PCDHGA2: variants seen among roughly 807,000 people sequenced by gnomAD.
The protein encoded by PCDHGA2 is protocadherin gamma-A2.
A neutral mutation model predicts 59.2 loss-of-function variants in PCDHGA2; 40 were observed. The observed-to-expected ratio is 0.68, with a 90% CI of 0.52 to 0.88. The LOEUF is 0.88. Among genes scored for constraint, PCDHGA2 ranks in the 40% least tolerant of loss-of-function variants. The pLI, the probability that PCDHGA2 is intolerant of heterozygous loss-of-function variation, is 0.00. For synonymous variants in PCDHGA2, 560 were observed against 526.0 expected (o/e 1.06, Z -0.89); for missense variants, 1,226 against 1,204.0 (o/e 1.02, Z -0.27).
At chr5:141,341,603 G>C (rs996112382) in intron 1 of PCDHGA2, 148 of 1,003,402 alleles carry the variant, frequency 1.5e-4, no homozygotes, top group Admixed American at 6.4e-4. Flanking sequence ...TGCAATGAAT[G>C]TAAACCAGGA....
chr5:141,498,306 A>C (rs2099783027), intron 2 of PCDHGA2, among the ~76,000 whole-genome samples: 1 of 151,810 alleles, frequency 6.6e-6, no homozygotes, highest in African/African-American at 2.4e-5. Flanking sequence ...TCTGGGTCAC[A>C]CTGCCTACAC....
In PCDHGA2 at chr5:141,383,284, A is replaced by G. The variant is rs760384498; in HGVS notation, c.2424+41889A>G. ...CGTGGAAATAATAGATATTAATGAC[A>G]ACGTTCCAAGATTCTTGACGGAAGA... On this transcript the variant is annotated intron_variant, in intron 1 of 3. Transcript: ENST00000394576. 4 of 1,613,962 alleles carry G rather than the reference A, an allele frequency of 2.5e-6. No homozygotes were observed. In the East Asian group the frequency reaches 8.9e-5, roughly 36 times the overall value.
intron 1 of PCDHGA2, chr5:141,395,534 G>T: frequency 8.7e-6 from 3 of 344,098 alleles, no homozygotes; most frequent in East Asian, 5.8e-5. Context: ...TGGTAATTTT[G>T]CTATTGTTTG....
At chr5:141,360,817 A>C (rs772114545) in intron 1 of PCDHGA2, 1 of 1,614,006 alleles carries the variant, frequency 6.2e-7, no homozygotes, top group South Asian at 1.1e-5. Context: ...CACGACCCAA[A>C]TCCGAATCAA....
intron 1 of PCDHGA2, chr5:141,424,652 G>T (rs1392693867): frequency 6.6e-6 from 1 of 152,120 alleles, no homozygotes; most frequent in East Asian, 1.9e-4. Context: ...AAGGTATTTG[G>T]ACTTTAATTA....
At chr5:141,394,519 C>A (rs1462431722) in intron 1 of PCDHGA2, 1 of 1,614,240 alleles carries the variant, frequency 6.2e-7, no homozygotes, top group South Asian at 1.1e-5. Context: ...GCCCTCCCCA[C>A]AGACGGTTCC....
Position 141,477,286 on chromosome 5 carries a change from A to G in PCDHGA2, c.2425-17521A>G, listed in dbSNP as rs1367207950. 1.9e-6 allele frequency: 3 copies of G among 1,614,194 alleles called. No individual in the cohort carries two copies. Among genetic ancestry groups the G allele is most frequent in the Non-Finnish European group, 8.5e-7 (1 of 1,180,034 alleles). ...GCGAGAACGGGCTGGTGACCTGCGA[A>G]GTTCCACCGGGTCTCCCTTTCAGCC... On this transcript the variant is annotated intron_variant, in intron 1 of 3. Coordinates refer to ENST00000394576, the MANE Select transcript of PCDHGA2 (RefSeq NM_018915.4). The surrounding 1 kb of genome is among the most constrained non-coding windows in gnomAD (Gnocchi z 4.9).
In PCDHGA2 at chr5:141,489,071, CA is replaced by C; in HGVS notation, c.2425-5735del. 3.1e-6 allele frequency: 1 copy of C among 326,700 alleles called. No homozygotes were observed. Among genetic ancestry groups the C allele is most frequent in the East Asian group, 5.9e-5 (1 of 17,012 alleles). 20.2% of individuals were successfully genotyped at this position (326,700 alleles called of 1,614,324 possible). A position where few individuals can be genotyped will look rare whatever the true frequency, so the allele number is the denominator to read the frequency against. On this transcript the variant is annotated intron_variant, in intron 1 of 3. Transcript: ENST00000394576. This position sits in a 1 kb window ranked among gnomAD's most constrained non-coding sequence, Gnocchi z 4.5. Reference sequence around the variant, plus strand: ...AAATTCAGCTCCCCTCCCCCCTGCCCACCCCCGCCACTCGGTGACTAAGAAC... The same window carrying C: ...AAATTCAGCTCCCCTCCCCCCTGCCCCCCCCGCCACTCGGTGACTAAGAAC...
chr5:141,430,885 C>G, intron 1 of PCDHGA2: 1 of 1,605,218 alleles, frequency 6.2e-7, no homozygotes, highest in Non-Finnish European at 8.5e-7. Context: ...TGGAGAAAGG[C>G]TCTAGGGTGG....
chr5:141,371,347 G>A (rs755497433), intron 1 of PCDHGA2: 1 of 1,613,960 alleles, frequency 6.2e-7, no homozygotes, highest in Non-Finnish European at 8.5e-7. Flanking sequence ...TACACAATTG[G>A]GGTGGAAGCA....
intron 1 of PCDHGA2, chr5:141,346,261 C>A (rs7736541): frequency 5.0e-6 from 8 of 1,613,842 alleles, no homozygotes; most frequent in Non-Finnish European, 6.8e-6. Flanking sequence ...TTTGTGGGCG[C>A]GGACGGGGTT....
chr5:141,359,986 G>T (rs1403272026), intron 1 of PCDHGA2: 1 of 913,802 alleles, frequency 1.1e-6, no homozygotes. Flanking sequence ...CTCTTAGAGG[G>T]GAACTTCCTG....
At chr5:141,415,259 T>A (rs778452630) in intron 1 of PCDHGA2, 5 of 1,614,226 alleles carry the variant, frequency 3.1e-6, no homozygotes, top group Admixed American at 1.7e-5. Flanking sequence ...GACCTCACTC[T>A]GTACCTGGTG....
intron 1 of PCDHGA2, chr5:141,415,634 C>T: frequency 6.3e-7 from 1 of 1,589,948 alleles, no homozygotes; most frequent in East Asian, 2.3e-5. Flanking sequence ...TTCATTTTTA[C>T]TTTTGTTAAA....
chr5:141,475,527 C>G (rs1462406655), intron 1 of PCDHGA2, among the ~76,000 whole-genome samples: 2 of 152,172 alleles, frequency 1.3e-5, no homozygotes, highest in African/African-American at 2.4e-5. Context: ...ATGCTAAATG[C>G]CTCCTTACAA....
At chr5:141,366,241 G>A in intron 1 of PCDHGA2, 2 of 1,613,748 alleles carry the variant, frequency 1.2e-6, no homozygotes, top group South Asian at 2.2e-5. Flanking sequence ...ACAGAGACGC[G>A]CTCAAGCAGA....
intron 1 of PCDHGA2, chr5:141,374,136 C>T (rs769413254): frequency 1.2e-5 from 19 of 1,605,624 alleles, no homozygotes; most frequent in Non-Finnish European, 1.4e-5. Context: ...CTGCTCCTCA[C>T]GCTCCTGGGG....
At chr5:141,453,482 A>T (rs979979155) in intron 1 of PCDHGA2, among the ~76,000 whole-genome samples, 1 of 151,990 alleles carries the variant, frequency 6.6e-6, no homozygotes, top group Non-Finnish European at 1.5e-5. Context: ...CAAAACTATT[A>T]AAAAAAGGTG....
At chr5:141,473,750 G>A (rs777343462) in intron 1 of PCDHGA2, among the ~76,000 whole-genome samples, 3 of 152,192 alleles carry the variant, frequency 2.0e-5, no homozygotes, top group Non-Finnish European at 4.4e-5. Context: ...TGAGAACTTG[G>A]ATACTATGCA....
Sources: gnomAD v4.1 joint callset for allele counts (sites outside exome capture counted in the v4.1 genomes callset) on GRCh38, gnomAD v4.1.1 for gene constraint, Gnocchi (gnomAD v3.1) non-coding constraint, MANE v1.5 for transcripts, NCBI Gene and HGNC (gene_info 2026-07-23, HGNC 2026-07-21) for gene names.